Variants in EYS observed in about 807,000 individuals in gnomAD.
EYS encodes EGF-like photoreceptor maintenance factor.
A neutral mutation model predicts 282.1 loss-of-function variants in EYS; 250 were observed. The observed-to-expected ratio is 0.89, with a 90% CI of 0.80 to 0.98. The LOEUF (loss-of-function observed/expected upper bound fraction) is 0.98, where lower values mean the gene tolerates loss of function less well. EYS is among the 50% of genes least tolerant of loss of function. The probability of loss-of-function intolerance (pLI) is 0.00; values close to 1 mark genes in which losing one functional copy is unlikely to be tolerated. For missense variants in EYS, 4,016 were observed against 3,709.0 expected (o/e 1.08, Z -2.15); for synonymous variants, 1,355 against 1,282.9 (o/e 1.06, Z -1.20).
intron 5 of EYS, among the ~76,000 whole-genome samples, chr6:65,455,017 G>T (rs1487456135): frequency 1.3e-5 from 2 of 151,896 alleles, no homozygotes; most frequent in African/African-American, 2.4e-5. Context: ...ATAAATTTTA[G>T]AATTATTTTT....
At chr6:65,379,239 C>A (rs1346971600) in intron 8 of EYS, among the ~76,000 whole-genome samples, 1 of 151,994 alleles carries the variant, frequency 6.6e-6, no homozygotes, top group Non-Finnish European at 1.5e-5. Context: ...CAAATGGAAT[C>A]CAGCAGCACA....
chr6:65,448,830 C>G (rs1764294845), intron 5 of EYS, among the ~76,000 whole-genome samples: 2 of 151,894 alleles, frequency 1.3e-5, no homozygotes, highest in African/African-American at 4.8e-5. Flanking sequence ...AAATAGTGGT[C>G]AAAGCAAATA....
intron 37 of EYS, among the ~76,000 whole-genome samples, chr6:63,796,552 A>G (rs1013513500): frequency 6.6e-6 from 1 of 152,218 alleles, no homozygotes; most frequent in Admixed American, 6.5e-5. Flanking sequence ...TAGTAAAGGA[A>G]TAATAGTTGT....
In EYS at chr6:64,436,207, A is replaced by C; in HGVS notation, c.5894T>G (p.Val1965Gly). The C allele has an allele frequency of 1.9e-6, 3 of 1,544,058 alleles. No homozygotes were observed. Among genetic ancestry groups the C allele is most frequent in the Non-Finnish European group, 2.6e-6 (3 of 1,142,274 alleles). ...CAGTGTATACTTTTGCCCGTTGTCC[A>C]CTCTAACAGTAGTATTAATGCTTTT... Reference protein sequence around the residue: ...KFKSINTTVRVDNGQKYTLLI... With the variant: ...KFKSINTTVRGDNGQKYTLLI... The change falls in exon 28 of 43, where the codon GTG becomes GGG. Residue 1965 changes from valine to glycine, a missense_variant. Coordinates refer to ENST00000503581, the MANE Select transcript of EYS (RefSeq NM_001142800.2).
intron 31 of EYS, among the ~76,000 whole-genome samples, chr6:64,087,531 A>T (rs889073270): frequency 6.6e-6 from 1 of 152,090 alleles, no homozygotes; most frequent in Non-Finnish European, 1.5e-5. Context: ...CTCCTACAGT[A>T]TACATTCTCT....
intron 35 of EYS, among the ~76,000 whole-genome samples, chr6:63,878,124 T>G (rs1773029136): frequency 6.6e-6 from 1 of 152,206 alleles, no homozygotes; most frequent in African/African-American, 2.4e-5. Flanking sequence ...ACCTTTGGTC[T>G]TTGATGATGG....
chr6:65,397,825 A>T (rs1160776062), intron 7 of EYS, among the ~76,000 whole-genome samples: 1 of 152,010 alleles, frequency 6.6e-6, no homozygotes, highest in Admixed American at 6.6e-5. Context: ...TCTTTGAGAA[A>T]TCTTCATACT....
At chr6:65,615,518 A>G (rs1766158307) in intron 2 of EYS, among the ~76,000 whole-genome samples, 1 of 151,644 alleles carries the variant, frequency 6.6e-6, no homozygotes, top group African/African-American at 2.4e-5. Context: ...TCTTTTGGAT[A>G]ATATGATTTT....
At chr6:64,258,982 T>C (rs962015230) in intron 30 of EYS, among the ~76,000 whole-genome samples, 11 of 152,188 alleles carry the variant, frequency 7.2e-5, no homozygotes, top group Admixed American at 7.2e-4. Flanking sequence ...ACATAATACA[T>C]AAAAGTAATC....
At chr6:64,510,441 G>A (rs1582836227) in intron 26 of EYS, among the ~76,000 whole-genome samples, 1 of 151,700 alleles carries the variant, frequency 6.6e-6, no homozygotes, top group African/African-American at 2.4e-5. Flanking sequence ...CTTTAAAATT[G>A]TAAGAAATTA....
At chr6:64,071,308 A>T (rs1476098422) in intron 32 of EYS, among the ~76,000 whole-genome samples, 1 of 152,018 alleles carries the variant, frequency 6.6e-6, no homozygotes, top group Non-Finnish European at 1.5e-5. Context: ...CCAATACTGT[A>T]AGTTGCAGAA....
At chr6:64,259,039 A>G (rs1484475924) in intron 30 of EYS, among the ~76,000 whole-genome samples, 1 of 152,090 alleles carries the variant, frequency 6.6e-6, no homozygotes, top group Non-Finnish European at 1.5e-5. Flanking sequence ...TGTTTGTTCT[A>G]GCTACATGAA....
chr6:64,062,471 C>T (rs1288047999), intron 33 of EYS, among the ~76,000 whole-genome samples: 1 of 152,112 alleles, frequency 6.6e-6, no homozygotes, highest in Non-Finnish European at 1.5e-5. Flanking sequence ...GTGGGAAGAT[C>T]ACCTGAGGTC....
chr6:65,278,993 A>C (rs1582094347), intron 12 of EYS, among the ~76,000 whole-genome samples: 1 of 152,228 alleles, frequency 6.6e-6, no homozygotes, highest in East Asian at 1.9e-4. Context: ...GTTTGAGAAC[A>C]GGCTGGCCAC....
intron 22 of EYS, among the ~76,000 whole-genome samples, chr6:64,741,980 AT>A (rs1000068287): frequency 1.1e-3 from 171 of 151,612 alleles, no homozygotes; most frequent in Middle Eastern, 3.4e-3. Context: ...TTCTTCAAAT[AT>A]TTTTTTTTAT....
intron 2 of EYS, among the ~76,000 whole-genome samples, chr6:65,609,907 T>C (rs1354548750): frequency 6.6e-6 from 1 of 152,080 alleles, no homozygotes; most frequent in Non-Finnish European, 1.5e-5. Context: ...CCTTTTGAGA[T>C]ATAGTTCACA....
intron 29 of EYS, among the ~76,000 whole-genome samples, chr6:64,318,849 G>A (rs1475665582): frequency 6.6e-6 from 1 of 151,668 alleles, no homozygotes; most frequent in East Asian, 1.9e-4. Flanking sequence ...AATGTGTAAT[G>A]ATCACGTTAG....
chr6:63,800,583 C>A (rs1770758905), intron 37 of EYS, among the ~76,000 whole-genome samples: 1 of 152,162 alleles, frequency 6.6e-6, no homozygotes, highest in Admixed American at 6.6e-5. Flanking sequence ...GGGTGGATCA[C>A]CTGAGGTCAG....
At chr6:63,817,424 C>T (rs1771206281) in intron 36 of EYS, among the ~76,000 whole-genome samples, 1 of 152,146 alleles carries the variant, frequency 6.6e-6, no homozygotes, top group African/African-American at 2.4e-5. Flanking sequence ...ATGGGGGCTG[C>T]TCATCAGGAC....
Sources: gnomAD v4.1 joint callset for allele counts (sites outside exome capture counted in the v4.1 genomes callset) on GRCh38, gnomAD v4.1.1 for gene constraint, MANE v1.5 for transcripts, NCBI Gene and HGNC (gene_info 2026-07-23, HGNC 2026-07-21) for gene names.